Variants in SPTY2D1 observed in about 807,000 individuals in gnomAD.
SPTY2D1 encodes the protein SPT2 chromatin protein domain containing 1.
SPTY2D1 carries 21 observed loss-of-function variants against 64.0 expected under a neutral mutation model. That is an observed-to-expected ratio of 0.33 (90% CI 0.23 to 0.47). The LOEUF (loss-of-function observed/expected upper bound fraction) is 0.47. SPTY2D1 is among the 20% of genes least tolerant of loss of function. The pLI is 1.00. For synonymous variants in SPTY2D1, 287 were observed against 286.8 expected, an observed-to-expected ratio of 1.00 and a Z score of -0.01; for missense variants, 724 against 837.2, an observed-to-expected ratio of 0.86 and a Z score of 1.67.
In SPTY2D1 at chr11:18,615,119, C is replaced by G; in HGVS notation, c.1155G>C (p.Gly385=). ...SSSAPGQPST[G]VARPTVSSGP... ...CAGAACTAACTGTGGGTCGAGCAAC[C>G]CCTGTGCTGGGCTGCCCAGGGGCTG... The change falls in exon 3 of 6, where the codon GGG becomes GGC. Residue 385 remains glycine (G), a synonymous_variant. Transcript: ENST00000336349. The G allele has an allele frequency of 6.2e-7, 1 of 1,614,164 alleles. No homozygotes were observed. Among genetic ancestry groups the G allele is most frequent in the Non-Finnish European group, 8.5e-7 (1 of 1,180,028 alleles).
rs1435656187 is a variant in SPTY2D1, at chr11:18,622,100, A to AC, written c.61-5112_61-5111insG. On this transcript the variant is annotated intron_variant, in intron 1 of 5. Transcript: ENST00000336349. The stretch of plus-strand genomic sequence containing the variant: ...AGACCCTATCTCAAAAAAAAAAAAA[A>AC]AAAACCAAAACCAAAACCAAAAAAA... Among the ~76,000 whole-genome samples the AC allele has an allele frequency of 3.7e-4, 55 of 148,318 alleles. 3 individuals are homozygous for AC. The highest frequency in any genetic ancestry group is 6.9e-3 in the Middle Eastern group (2 of 288).
chr11:18,611,335 CA>C, intron 5 of SPTY2D1, 141 bp downstream of exon 5: 1 of 751,854 alleles, frequency 1.3e-6, no homozygotes. Context: ...GGAATTTGTC[CA>C]AGGCCCCACA....
intron 1 of SPTY2D1, among the ~76,000 whole-genome samples, chr11:18,621,323 CAGAAAAGAAAAGAAAAGAAAAG>C (rs1451243722): frequency 3.0e-4 from 41 of 137,618 alleles, no homozygotes; most frequent in African/African-American, 1.1e-3. Flanking sequence ...TCTCAAAAAA[CAGAAAAGAAAAGAAAAGAAAAG>C]AAAAGAAAAG....
intron 1 of SPTY2D1, among the ~76,000 whole-genome samples, chr11:18,618,849 C>T (rs1440286329): frequency 2.6e-5 from 4 of 152,216 alleles, no homozygotes; most frequent in African/African-American, 9.6e-5. Flanking sequence ...GCCAAGGAAG[C>T]AGGCTCTAAT....
At position 18,614,592 on chromosome 11, in the gene SPTY2D1, G is replaced by T; in HGVS notation, c.1682C>A (p.Pro561His). The T allele has an allele frequency of 6.2e-7, 1 of 1,612,584 alleles. No individual in the cohort carries two copies. The highest frequency in any genetic ancestry group is 8.5e-7 in the Non-Finnish European group (1 of 1,178,774). ...SSNGQMNGMKPPLSGYRAAQG... is the reference protein window; with the variant it reads ...SSNGQMNGMKHPLSGYRAAQG... ...GGCAGCTCTGTAGCCAGATAGGGGAGGCTTCATTCCATTCATCTGTCCATT... is the reference window on the plus strand; with the variant it reads ...GGCAGCTCTGTAGCCAGATAGGGGATGCTTCATTCCATTCATCTGTCCATT... Residue 561 changes from proline (P) to histidine (H), a missense_variant, in exon 3 of 6, where the codon CCT becomes CAT. This residue lies in a region of SPTY2D1 where 119 missense variants were observed against 172.9 expected (regional missense o/e 0.69). Coordinates refer to ENST00000336349, the MANE Select transcript of SPTY2D1 (RefSeq NM_194285.3).
chr11:18,633,211 G>A (rs1854616735), intron 1 of SPTY2D1, among the ~76,000 whole-genome samples: 1 of 152,078 alleles, frequency 6.6e-6, no homozygotes, highest in Non-Finnish European at 1.5e-5. Flanking sequence ...AAAAGCTGCA[G>A]AAGAGAAAAA....
At chr11:18,613,033 G>A (rs1008573633) in intron 3 of SPTY2D1, among the ~76,000 whole-genome samples, 2 of 151,940 alleles carry the variant, frequency 1.3e-5, no homozygotes, top group African/African-American at 4.8e-5. Flanking sequence ...CAAAGTGCTG[G>A]GATTACAGGC....
Position 18,607,682 on chromosome 11 carries a change from CA to C in SPTY2D1, c.*2178del, listed in dbSNP as rs781142945. 6.6e-6 allele frequency: 1 copy of C among 152,356 alleles called. No individual in the cohort carries two copies. The highest frequency in any genetic ancestry group is 2.4e-5 in the African/African-American group (1 of 41,440). The allele number at this position is 152,356 out of a possible 1,614,324, so 9.4% of individuals were successfully genotyped here. ...CAACATGGAAGACAGGATTTGGAAA[CA>C]AGGCCAAAATTTAAAAGACTTAACC... is the stretch of plus-strand genomic sequence containing the variant. On this transcript the variant is annotated 3_prime_UTR_variant, in exon 6 of 6. Transcript: ENST00000336349.
At chr11:18,633,650 AGAT>A (rs2134120928) in intron 1 of SPTY2D1, among the ~76,000 whole-genome samples, 1 of 152,332 alleles carries the variant, frequency 6.6e-6, no homozygotes, top group South Asian at 2.1e-4. Flanking sequence ...TCTTCCCAAA[AGAT>A]GATACCTATC....
chr11:18,610,023 A>G, intron 5 of SPTY2D1, 69 bp from the exon 6 acceptor site: 1 of 1,412,824 alleles, frequency 7.1e-7, no homozygotes, highest in Non-Finnish European at 9.9e-7. Flanking sequence ...AAAAGAATGA[A>G]AATTCCAACT....
intron 1 of SPTY2D1, among the ~76,000 whole-genome samples, chr11:18,621,374 A>AGAAAAGAAAAGAAAC (rs1565161016): frequency 7.0e-6 from 1 of 142,792 alleles, no homozygotes; most frequent in African/African-American, 2.5e-5. Context: ...AGAAAAGAAA[A>AGAAAAGAAAAGAAAC]GAAACACTGA....
At chr11:18,610,667 T>TAAAAAAAAAAAAAAAAA (rs58363516) in intron 5 of SPTY2D1, among the ~76,000 whole-genome samples, 3 of 96,710 alleles carry the variant, frequency 3.1e-5, no homozygotes, top group African/African-American at 1.1e-4. Context: ...CCCTGTCTCT[T>TAAAAAAAAAAAAAAAAA]AAAAAAAAAA....
chr11:18,619,730 C>T (rs973778138), intron 1 of SPTY2D1, among the ~76,000 whole-genome samples: 8 of 152,096 alleles, frequency 5.3e-5, no homozygotes, highest in Non-Finnish European at 5.9e-5. Flanking sequence ...GCACTCCAGC[C>T]TGGTGACAGA....
At chr11:18,618,478 G>A (rs1016790837) in intron 1 of SPTY2D1, among the ~76,000 whole-genome samples, 4 of 152,180 alleles carry the variant, frequency 2.6e-5, no homozygotes, top group Non-Finnish European at 5.9e-5. Flanking sequence ...CCTATTATGA[G>A]AGAAATATGA....
In SPTY2D1 at chr11:18,634,213, A is replaced by G. The variant is rs777024680; in HGVS notation, c.45T>C (p.Gly15=). 1.9e-6 allele frequency: 3 copies of G among 1,614,038 alleles called. No individual in the cohort carries two copies. In the African/African-American group the frequency reaches 4.0e-5, roughly 22 times the overall value. The change falls in exon 1 of 6, where the codon GGT becomes GGC. Residue 15 remains glycine (G), a synonymous_variant. Coordinates refer to ENST00000336349, the MANE Select transcript of SPTY2D1 (RefSeq NM_194285.3). ...EILMIASKGQ[G]VNNVPKRYSL... is the part of the protein sequence containing the mutation. ...TGCTACTTACCGGCACATTGTTGAC[A>G]CCTTGTCCCTTGGAAGCTATCATGA...
Position 18,611,557 on chromosome 11 carries a change from G to A in SPTY2D1, c.1887-3C>T, listed in dbSNP as rs1204724863. ...CATAATCACTTTCATCTTTGTATCT[G>A]ATAAAAGGAAATCAAAATGATAAAA... On this transcript the variant is annotated splice_polypyrimidine_tract_variant and splice_region_variant and intron_variant, in intron 4 of 5. Transcript: ENST00000336349. The A allele has an allele frequency of 9.3e-6, 15 of 1,611,120 alleles. No individual in the cohort carries two copies. Among genetic ancestry groups the A allele is most frequent in the East Asian group, 4.5e-5 (2 of 44,840 alleles).
At chr11:18,627,912 G>A (rs1478437096) in intron 1 of SPTY2D1, among the ~76,000 whole-genome samples, 1 of 152,052 alleles carries the variant, frequency 6.6e-6, no homozygotes, top group African/African-American at 2.4e-5. Context: ...GCTGGGCATG[G>A]TGGTGCATGC....
chr11:18,632,456 A>G (rs2134120268), intron 1 of SPTY2D1, among the ~76,000 whole-genome samples: 1 of 152,060 alleles, frequency 6.6e-6, no homozygotes, highest in East Asian at 1.9e-4. Flanking sequence ...GGTTCAAGCA[A>G]TTCTGTCTCA....
chr11:18,628,695 A>G (rs1854538592), intron 1 of SPTY2D1, among the ~76,000 whole-genome samples: 1 of 152,164 alleles, frequency 6.6e-6, no homozygotes, highest in African/African-American at 2.4e-5. Flanking sequence ...TAAGCTCAAT[A>G]TCATATTGCC....
Sources: allele counts gnomAD v4.1 joint callset (sites outside exome capture counted in the v4.1 genomes callset), GRCh38; gene constraint gnomAD v4.1.1; regional missense constraint gnomAD v4.1.1; transcripts MANE v1.5; gene names NCBI Gene and HGNC (gene_info 2026-07-23, HGNC 2026-07-21).